Variants in RYR1 observed in about 807,000 individuals in gnomAD.
RYR1 encodes the protein central core disease of muscle.
RYR1 carries 342 observed loss-of-function variants against 583.5 expected under a neutral mutation model. The ratio of observed to expected loss-of-function variants is 0.59; its 90% CI spans 0.54 to 0.64. The LOEUF is 0.64. RYR1 is among the 30% of genes least tolerant of loss of function. RYR1 has a pLI of 0.00. For synonymous variants in RYR1, 2,791 were observed against 2,822.5 expected, an observed-to-expected ratio of 0.99 and a Z score of 0.35; for missense variants, 6,032 against 6,917.2, an observed-to-expected ratio of 0.87 and a Z score of 4.54.
Position 38,453,447 on chromosome 19 carries a change from G to A in RYR1, c.1440+433G>A, listed in dbSNP as rs76205084. Among the ~76,000 whole-genome samples the A allele has an allele frequency of 1.5e-3, 224 of 151,932 alleles. 4 individuals carry two copies. The East Asian group carries it at 0.034, about 23-fold the overall frequency. ...TGGCGCGGGGTCTGTGGGGTGGGCG[G>A]ACAGAATCAGTGTGGGGTATGGGAG... is the stretch of plus-strand genomic sequence containing the variant. On this transcript the variant is annotated intron_variant, in intron 13 of 105. Coordinates refer to ENST00000359596, the MANE Select transcript of RYR1 (RefSeq NM_000540.3).
intron 36 of RYR1, 149 bp downstream of exon 36, chr19:38,490,425 C>A: frequency 1.1e-6 from 1 of 913,532 alleles, no homozygotes; most frequent in Non-Finnish European, 1.7e-6. Flanking sequence ...TCTGAATCAA[C>A]CTGACCTCTG....
rs1433504408 is a variant in RYR1 at position 38,517,608 on chromosome 19, T to C, written c.9935T>C (p.Leu3312Pro). 2.5e-6 allele frequency: 4 copies of C among 1,613,786 alleles called. No homozygotes were observed. Among genetic ancestry groups the C allele is most frequent in the Non-Finnish European group, 3.4e-6 (4 of 1,179,944 alleles). Residue 3312 changes from leucine to proline, a missense_variant, in exon 66 of 106, where the codon CTC becomes CCC. By Grantham distance (98) the Leu-to-Pro change is moderately conservative (BLOSUM62 -3). This residue lies in a region of RYR1 where 1,493 missense variants were observed against 1,715.5 expected (regional missense o/e 0.87). Coordinates refer to ENST00000359596, the MANE Select transcript of RYR1 (RefSeq NM_000540.3). ...TGCACAGCTGTCACCTCTGACCACCTCAACTCCCTGCTGGGGAATATCCTG... is the reference window on the plus strand; with the variant it reads ...TGCACAGCTGTCACCTCTGACCACCCCAACTCCCTGCTGGGGAATATCCTG... ...PPCTAVTSDH[L>P]NSLLGNILRI... is the part of the protein sequence containing the mutation.
In RYR1 at chr19:38,580,066, A is replaced by G. The variant is rs143988412; in HGVS notation, c.14449A>G (p.Ile4817Val). ...NFFFAAHLLD[I>V]AMGVKTLRTI... ...CTTCTTTGCTGCCCATCTCCTGGAC[A>G]TCGCCATGGGGGTCAAGACGCTGCG... Residue 4817 changes from isoleucine (I) to valine (V), a missense_variant, in exon 100 of 106, where the codon ATC (isoleucine) becomes GTC (valine). Physicochemically the swap from Ile to Val is conservative, Grantham distance 29. Transcript: ENST00000359596. The G allele has an allele frequency of 1.4e-5, 23 of 1,614,056 alleles. No individual in the cohort carries two copies. Among genetic ancestry groups the G allele is most frequent in the Admixed American group, 5.0e-5 (3 of 59,988 alleles).
Position 38,462,503 on chromosome 19 carries a change from G to A in RYR1, c.2578-920G>A, listed in dbSNP as rs113776663. Among the ~76,000 whole-genome samples, 376 of 137,564 alleles carry A rather than the reference G, an allele frequency of 2.7e-3. 3 individuals are homozygous for A. The highest frequency in any genetic ancestry group is 4.6e-3 in the Non-Finnish European group (295 of 64,500). 90.2% of individuals were successfully genotyped at this position (137,564 alleles called of 152,430 possible). A position where few individuals can be genotyped will look rare whatever the true frequency, so the allele number is the denominator to read the frequency against. ...GCCTCCCAGACATCCCCCCGACCCC[G>A]CTTTCCTCATCCCCATGTCCCGCCC... On this transcript the variant is annotated intron_variant, in intron 20 of 105. Transcript: ENST00000359596.
At chr19:38,445,422 A>C (rs910448161) in intron 7 of RYR1, among the ~76,000 whole-genome samples, 7 of 151,730 alleles carry the variant, frequency 4.6e-5, no homozygotes, top group African/African-American at 1.5e-4. Flanking sequence ...GCAAACTCCC[A>C]ATTCAGATTC....
At chr19:38,522,926 G>C in intron 67 of RYR1, 102 bp from the exon 68 acceptor site, 1 of 934,242 alleles carries the variant, frequency 1.1e-6, no homozygotes, top group East Asian at 2.6e-5. Context: ...CCTCTGACTG[G>C]ATGTCTCCTG....
At position 38,469,156 on chromosome 19, in the gene RYR1, C is replaced by T. The variant is rs1968281777; in HGVS notation, c.3556+16C>T. On this transcript the variant is annotated intron_variant, in intron 26 of 105. Transcript: ENST00000359596. ...ATTGGGGACGGTGAGGGCTGAGACC[C>T]CTTCACATGCCCTTTCTTGTTTTCC... 2.5e-6 allele frequency: 4 copies of T among 1,613,894 alleles called. No homozygotes were observed. The South Asian group carries it at 4.4e-5, about 18-fold the overall frequency.
intron 89 of RYR1, among the ~76,000 whole-genome samples, chr19:38,559,012 C>G (rs1381150895): frequency 6.6e-6 from 1 of 152,008 alleles, no homozygotes; most frequent in Admixed American, 6.6e-5. Flanking sequence ...TCACTTGAAC[C>G]CAGGAGGCGG....
At chr19:38,515,466 G>T (rs1011786730) in intron 64 of RYR1, among the ~76,000 whole-genome samples, 2 of 152,186 alleles carry the variant, frequency 1.3e-5, no homozygotes, top group Non-Finnish European at 2.9e-5. Context: ...CAAGAGCGAG[G>T]CTGCGGCTGT....
chr19:38,443,851 G>T (rs564338227), intron 5 of RYR1, 55 bp downstream of exon 5: 23 of 1,527,096 alleles, frequency 1.5e-5, no homozygotes, highest in East Asian at 2.3e-5. Context: ...AGGGATTCAG[G>T]GGGTAGAAGG....
At chr19:38,467,970 TCATCCATC>T (rs1048938087) in intron 25 of RYR1, 158 bp downstream of exon 25, 3 of 675,646 alleles carry the variant, frequency 4.4e-6, no homozygotes, top group Non-Finnish European at 7.8e-6. Flanking sequence ...AACCAATGAT[TCATCCATC>T]CATCCATCCA....
In RYR1 at chr19:38,548,526, C is replaced by T. The variant is rs983115504; in HGVS notation, c.12282+106C>T. 3.4e-5 allele frequency: 35 copies of T among 1,016,440 alleles called. No homozygotes were observed. In the Admixed American group the frequency reaches 6.2e-4, roughly 18 times the overall value. 63.0% of individuals were successfully genotyped at this position (1,016,440 alleles called of 1,614,324 possible). A position where few individuals can be genotyped will look rare whatever the true frequency, so the allele number is the denominator to read the frequency against. On this transcript the variant is annotated intron_variant, in intron 89 of 105. Coordinates refer to ENST00000359596, the MANE Select transcript of RYR1 (RefSeq NM_000540.3). ...AGGCAAGAGACATCTCTGCAAGCCT[C>T]ACTTTCCTTGTTTGTAAAATGAGGA...
intron 1 of RYR1, among the ~76,000 whole-genome samples, chr19:38,436,870 C>T (rs1410232454): frequency 6.6e-6 from 1 of 151,968 alleles, no homozygotes; most frequent in African/African-American, 2.4e-5. Flanking sequence ...GGGTGGTGAC[C>T]TCTACCCTTA....
chr19:38,521,718 T>TAA (rs1971233421), intron 67 of RYR1, among the ~76,000 whole-genome samples: 22 of 149,162 alleles, frequency 1.5e-4, no homozygotes, highest in South Asian at 4.3e-4. Flanking sequence ...AAAGAAAATT[T>TAA]TTTTTTTTTT....
Position 38,496,822 on chromosome 19 carries a change from C to G in RYR1, c.6797-38C>G. 6.3e-7 allele frequency: 1 copy of G among 1,578,662 alleles called. No homozygotes were observed. Among genetic ancestry groups the G allele is most frequent in the Non-Finnish European group, 8.7e-7 (1 of 1,148,614 alleles). On this transcript the variant is annotated intron_variant, in intron 41 of 105. Coordinates refer to ENST00000359596, the MANE Select transcript of RYR1 (RefSeq NM_000540.3). This position sits in a 1 kb window ranked among gnomAD's most constrained non-coding sequence, Gnocchi z 4.8. ...GGCTTCCCAGAGGAGGCGAGACAAG[C>G]AGGAGTGAGATGTTCTCCCCACCTC...
intron 33 of RYR1, among the ~76,000 whole-genome samples, chr19:38,484,572 T>C (rs1197464316): frequency 6.6e-6 from 1 of 152,094 alleles, no homozygotes; most frequent in Non-Finnish European, 1.5e-5. Flanking sequence ...TGAAGTGACA[T>C]TCTAGTAATG....
chr19:38,505,750 C>T, intron 53 of RYR1, 56 bp from the exon 54 acceptor site: 4 of 1,608,194 alleles, frequency 2.5e-6, no homozygotes, highest in Non-Finnish European at 8.5e-7. Context: ...TGGGGTCCTT[C>T]CTCCACCCCT....
intron 74 of RYR1, 42 bp downstream of exon 74, chr19:38,528,460 G>A (rs1471644037): frequency 6.2e-7 from 1 of 1,607,388 alleles, no homozygotes; most frequent in East Asian, 2.2e-5. Flanking sequence ...GGGCTGCGGA[G>A]AAAGGGTGGC....
intron 87 of RYR1, 35 bp from the exon 88 acceptor site, chr19:38,546,410 G>A (rs1176910011): frequency 1.3e-6 from 2 of 1,592,820 alleles, no homozygotes; most frequent in African/African-American, 2.7e-5. Flanking sequence ...GGAGGTGTAT[G>A]CTGAGACCAG....
Sources: allele counts gnomAD v4.1 joint callset (sites outside exome capture counted in the v4.1 genomes callset), GRCh38; gene constraint gnomAD v4.1.1; regional missense constraint gnomAD v4.1.1; non-coding constraint Gnocchi (gnomAD v3.1); transcripts MANE v1.5; gene names NCBI Gene and HGNC (gene_info 2026-07-23, HGNC 2026-07-21).